The following CRCP variants were observed in gnomAD, a reference collection of about 807,000 sequenced individuals.
The protein encoded by CRCP is CGRP receptor component.
In CRCP, 18 loss-of-function variants were observed where a neutral mutation model predicts 18.5. The ratio of observed to expected loss-of-function variants is 0.97; its 90% CI spans 0.67 to 1.44. The LOEUF (loss-of-function observed/expected upper bound fraction) is 1.44, where lower values mean the gene tolerates loss of function less well. Among genes scored for constraint, CRCP ranks in the 40% most tolerant of loss-of-function variants. The pLI is 0.00. For synonymous variants in CRCP, 53 were observed against 62.9 expected, an observed-to-expected ratio of 0.84 and a Z score of 0.75; for missense variants, 130 against 176.4, an observed-to-expected ratio of 0.74 and a Z score of 1.49.
chr7:66,118,262 C>T (rs1787333126), intron 1 of CRCP, among the ~76,000 whole-genome samples: 1 of 152,248 alleles, frequency 6.6e-6, no homozygotes, highest in African/African-American at 2.4e-5. Flanking sequence ...AGGCGTGAGC[C>T]ACCACACCTG....
intron 1 of CRCP, chr7:66,120,784 C>CTG (rs1562758304): frequency 9.9e-5 from 15 of 151,860 alleles, no homozygotes; most frequent in Non-Finnish European, 1.6e-4. Flanking sequence ...GAGAATATAC[C>CTG]CACGTATGTG....
chr7:66,116,126 T>C (rs761812474), intron 1 of CRCP, among the ~76,000 whole-genome samples: 1 of 152,088 alleles, frequency 6.6e-6, no homozygotes, highest in Non-Finnish European at 1.5e-5. Context: ...AAACACAATA[T>C]GTCTGTGTAA....
At position 66,152,387 on chromosome 7, in the gene CRCP, A is replaced by T; in HGVS notation, c.*30A>T. On this transcript the variant is annotated 3_prime_UTR_variant, in exon 6 of 6. Transcript: ENST00000395326. Reference sequence around the variant, plus strand: ...GCACAGCTGGCCCCGGCGTTTCATGAAGTCAGAAGGCCTGGCAGCCATTTC... The same window carrying T: ...GCACAGCTGGCCCCGGCGTTTCATGTAGTCAGAAGGCCTGGCAGCCATTTC... 6.8e-6 allele frequency: 11 copies of T among 1,611,902 alleles called. No homozygotes were observed. Among genetic ancestry groups the T allele is most frequent in the Non-Finnish European group, 9.3e-6 (11 of 1,179,006 alleles).
chr7:66,142,636 G>A (rs142682269), intron 4 of CRCP, among the ~76,000 whole-genome samples: 1 of 152,306 alleles, frequency 6.6e-6, no homozygotes, highest in East Asian at 1.9e-4. Flanking sequence ...GACTACAGGT[G>A]TATGCCACCA....
chr7:66,137,200 T>C (rs987351279), intron 4 of CRCP, among the ~76,000 whole-genome samples: 1 of 152,194 alleles, frequency 6.6e-6, no homozygotes, highest in African/African-American at 2.4e-5. Context: ...CACAAATTTT[T>C]TTAGATTTAT....
At chr7:66,132,469 A>G (rs1787837200) in intron 3 of CRCP, among the ~76,000 whole-genome samples, 1 of 152,126 alleles carries the variant, frequency 6.6e-6, no homozygotes, top group Non-Finnish European at 1.5e-5. Context: ...AGTACCACAG[A>G]GGTAATCTCC....
At chr7:66,141,013 G>A (rs1290376965) in intron 4 of CRCP, among the ~76,000 whole-genome samples, 2 of 152,126 alleles carry the variant, frequency 1.3e-5, no homozygotes, top group African/African-American at 4.8e-5. Flanking sequence ...TAAAATCGAA[G>A]ATTTTTTAAA....
At chr7:66,119,316 C>G (rs1787363762) in intron 1 of CRCP, among the ~76,000 whole-genome samples, 1 of 152,226 alleles carries the variant, frequency 6.6e-6, no homozygotes, top group South Asian at 2.1e-4. Context: ...CCCTCTCTAT[C>G]CCTCACCCTG....
chr7:66,149,305 C>T (rs1377529143), intron 5 of CRCP, among the ~76,000 whole-genome samples: 1 of 152,130 alleles, frequency 6.6e-6, no homozygotes, highest in Non-Finnish European at 1.5e-5. Context: ...GAGAGGATCA[C>T]TTGAGCCCAG....
intron 1 of CRCP, among the ~76,000 whole-genome samples, chr7:66,119,908 GC>G (rs1787383002): frequency 6.6e-6 from 1 of 151,966 alleles, no homozygotes; most frequent in Non-Finnish European, 1.5e-5. Context: ...TTTTTTTGCA[GC>G]CCGGTGCTCA....
intron 4 of CRCP, among the ~76,000 whole-genome samples, chr7:66,138,052 AG>A (rs1270861867): frequency 6.6e-6 from 1 of 152,234 alleles, no homozygotes; most frequent in African/African-American, 2.4e-5. Context: ...TTACTTCACC[AG>A]GAAGAACTGC....
chr7:66,138,179 TC>T (rs1194613023), intron 4 of CRCP, among the ~76,000 whole-genome samples: 13 of 152,214 alleles, frequency 8.5e-5, no homozygotes, highest in African/African-American at 3.1e-4. Context: ...GGTTGATTGA[TC>T]TTTTCCTTCA....
chr7:66,138,911 T>G (rs569105925), intron 4 of CRCP, among the ~76,000 whole-genome samples: 2 of 152,274 alleles, frequency 1.3e-5, no homozygotes, highest in African/African-American at 4.8e-5. Context: ...CTGAGCTTCT[T>G]GATTATGTAA....
intron 1 of CRCP, among the ~76,000 whole-genome samples, chr7:66,121,309 C>A (rs1051452009): frequency 6.6e-6 from 1 of 151,844 alleles, no homozygotes; most frequent in African/African-American, 2.4e-5. Context: ...CCTCGGCCTC[C>A]GAAAGTGCTG....
At chr7:66,151,218 C>G (rs903419508) in intron 5 of CRCP, among the ~76,000 whole-genome samples, 1 of 152,150 alleles carries the variant, frequency 6.6e-6, no homozygotes, top group African/African-American at 2.4e-5. Flanking sequence ...GAAGAAGGCT[C>G]CAAACCATTT....
In CRCP at chr7:66,115,033, TGA is replaced by T; in HGVS notation, c.8+67_8+68del. 5.1e-6 allele frequency: 8 copies of T among 1,579,998 alleles called. No individual in the cohort carries two copies. The South Asian group carries it at 7.9e-5, about 16-fold the overall frequency. On this transcript the variant is annotated intron_variant, in intron 1 of 5. Coordinates refer to ENST00000395326, the MANE Select transcript of CRCP (RefSeq NM_014478.5). ...GCCCAACGGTTTGACCGCTGAGAGC[TGA>T]GAGCCGAGAGCCGTGGGGACTGGGC...
chr7:66,134,463 G>A, intron 4 of CRCP, 89 bp downstream of exon 4: 1 of 928,984 alleles, frequency 1.1e-6, no homozygotes, highest in Non-Finnish European at 1.7e-6. Flanking sequence ...ATATTCGGCT[G>A]GGTTTGGATT....
chr7:66,127,634 C>A, intron 1 of CRCP, 70 bp from the exon 2 acceptor site: 1 of 1,555,558 alleles, frequency 6.4e-7, no homozygotes, highest in South Asian at 1.1e-5. Flanking sequence ...GACAGGAATT[C>A]TTTTACAGAA....
chr7:66,118,848 C>G (rs1355735453), intron 1 of CRCP, among the ~76,000 whole-genome samples: 1 of 152,172 alleles, frequency 6.6e-6, no homozygotes, highest in Non-Finnish European at 1.5e-5. Context: ...GTTCCTGAAG[C>G]GGCCTTGGGA....
Sources: allele counts gnomAD v4.1 joint callset (sites outside exome capture counted in the v4.1 genomes callset), GRCh38; gene constraint gnomAD v4.1.1; transcripts MANE v1.5; gene names NCBI Gene and HGNC (gene_info 2026-07-23, HGNC 2026-07-21).